Variants in FAM78A observed in about 807,000 individuals in gnomAD.
The protein encoded by FAM78A is family with sequence similarity 78 member A.
Under a neutral mutation model 22.6 loss-of-function variants are expected in FAM78A, and 12 were observed. That is an observed-to-expected ratio of 0.53 (90% CI 0.34 to 0.86). The LOEUF is 0.86. Ranked by LOEUF, FAM78A falls within the 40% of genes least tolerant of loss-of-function variation. The pLI is 0.02. For synonymous variants in FAM78A, 151 were observed against 155.8 expected, an observed-to-expected ratio of 0.97 and a Z score of 0.23; for missense variants, 322 against 396.1, an observed-to-expected ratio of 0.81 and a Z score of 1.59.
upstream of FAM78A, among the ~76,000 whole-genome samples, chr9:131,279,417 G>A (rs1835520949): frequency 6.6e-6 from 1 of 152,194 alleles, no homozygotes; most frequent in Admixed American, 6.5e-5. Context: ...GCACTACCCA[G>A]TTTATATGTA....
Position 131,271,860 on chromosome 9 carries a change from G to A in FAM78A, c.323+3997C>T, listed in dbSNP as rs1004563057. 1.6e-4 allele frequency among the ~76,000 whole-genome samples: 24 copies of A among 152,034 alleles called. 1 individual carries two copies. Among genetic ancestry groups the A allele is most frequent in the Admixed American group, 8.5e-4 (13 of 15,268 alleles). On this transcript the variant is annotated intron_variant, in intron 1 of 1. Coordinates refer to ENST00000372271, the MANE Select transcript of FAM78A (RefSeq NM_033387.4). Reference sequence around the variant, plus strand: ...TGGCAGTTGAGGAATTGCGGGGGCCGGGCTGTGGAGGCAGGTGTCTCCAAC... The same window carrying A: ...TGGCAGTTGAGGAATTGCGGGGGCCAGGCTGTGGAGGCAGGTGTCTCCAAC...
upstream of FAM78A, among the ~76,000 whole-genome samples, chr9:131,276,760 G>A (rs1469206330): frequency 6.6e-6 from 1 of 151,188 alleles, no homozygotes; most frequent in African/African-American, 2.4e-5. The surrounding 1 kb of genome is among the most constrained non-coding windows in gnomAD (Gnocchi z 4.3). Context: ...TCAGGGCTCC[G>A]GCCGCTCGCC....
In FAM78A at chr9:131,274,829, C is replaced by T. The variant is rs1459084475; in HGVS notation, c.323+1028G>A. ...CTGAGAGAGGCTCTGGGAGTGTCAG[C>T]GGCCAGTCACGGGGCCACAGGGTAG... On this transcript the variant is annotated intron_variant, in intron 1 of 1. Coordinates refer to ENST00000372271, the MANE Select transcript of FAM78A (RefSeq NM_033387.4). The surrounding 1 kb of genome is among the most constrained non-coding windows in gnomAD (Gnocchi z 4.2). 6.6e-6 allele frequency among the ~76,000 whole-genome samples: 1 copy of T among 151,708 alleles called. No individual in the cohort carries two copies. The highest frequency in any genetic ancestry group is 6.6e-5 in the Admixed American group (1 of 15,242).
chr9:131,275,261 A>G lies in FAM78A; in HGVS notation c.323+596T>C, dbSNP rs142250705. Among the ~76,000 whole-genome samples the G allele has an allele frequency of 6.6e-6, 1 of 152,330 alleles. No individual in the cohort carries two copies. Among genetic ancestry groups the G allele is most frequent in the African/African-American group, 2.4e-5 (1 of 41,584 alleles). Reference sequence around the variant, plus strand: ...AAGCGGTCTTCTGCCTTGGAGACAGAAAGCGATACACTGTGAAGAAATCGG... The same window carrying G: ...AAGCGGTCTTCTGCCTTGGAGACAGGAAGCGATACACTGTGAAGAAATCGG... On this transcript the variant is annotated intron_variant, in intron 1 of 1. Transcript: ENST00000372271. This position sits in a 1 kb window ranked among gnomAD's most constrained non-coding sequence, Gnocchi z 4.6.
Position 131,260,649 on chromosome 9 carries a change from G to A in FAM78A, c.*173C>T. 1.5e-6 allele frequency: 1 copy of A among 667,634 alleles called. No homozygotes were observed. The highest frequency in any genetic ancestry group is 2.3e-6 in the Non-Finnish European group (1 of 425,972). The allele number at this position is 667,634 out of a possible 1,614,324, so 41.4% of individuals were successfully genotyped here. ...CTTAGATCTCCCCTCTCCCTGAAAG[G>A]AAGCAGGTGCCGAGAGCCGGGGAGG... On this transcript the variant is annotated 3_prime_UTR_variant, in exon 2 of 2. Coordinates refer to ENST00000372271, the MANE Select transcript of FAM78A (RefSeq NM_033387.4). The surrounding 1 kb of genome is among the most constrained non-coding windows in gnomAD (Gnocchi z 5.4).
intron 1 of FAM78A, among the ~76,000 whole-genome samples, chr9:131,269,516 G>T (rs1835391129): frequency 6.6e-6 from 1 of 150,962 alleles, no homozygotes; most frequent in Non-Finnish European, 1.5e-5. Flanking sequence ...TAGCTCTGTT[G>T]CCTAGGCTGG....
At chr9:131,269,309 CA>C (rs1346824477) in intron 1 of FAM78A, among the ~76,000 whole-genome samples, 1 of 152,066 alleles carries the variant, frequency 6.6e-6, no homozygotes, top group East Asian at 1.9e-4. Flanking sequence ...TAACTTTAAA[CA>C]AAAATGTAAC....
chr9:131,273,385 C>G (rs933541247), intron 1 of FAM78A, among the ~76,000 whole-genome samples: 3 of 152,204 alleles, frequency 2.0e-5, no homozygotes, highest in African/African-American at 7.2e-5. Flanking sequence ...CCCGTGTATC[C>G]CAACCGGGAT....
At chr9:131,264,504 C>A in intron 1 of FAM78A, 1 of 698,956 alleles carries the variant, frequency 1.4e-6, no homozygotes, top group Non-Finnish European at 2.7e-6. Flanking sequence ...TGAGCTCTAC[C>A]AGCTCTTCAG....
At chr9:131,264,357 G>A (rs971958423) in intron 1 of FAM78A, 5 of 518,350 alleles carry the variant, frequency 9.6e-6, no homozygotes, top group South Asian at 2.7e-5. Context: ...TGCGTCACGC[G>A]GGGCATGGCT....
intron 1 of FAM78A, among the ~76,000 whole-genome samples, chr9:131,269,119 A>G (rs889685065): frequency 5.3e-5 from 8 of 151,502 alleles, no homozygotes; most frequent in African/African-American, 1.7e-4. Flanking sequence ...AAAAAAAAAA[A>G]AAGAAGTGTA....
At position 131,275,753 on chromosome 9, in the gene FAM78A, G is replaced by T; in HGVS notation, c.323+104C>A. On this transcript the variant is annotated intron_variant, in intron 1 of 1. Transcript: ENST00000372271. The surrounding 1 kb of genome is among the most constrained non-coding windows in gnomAD (Gnocchi z 4.6). ...AAAGCTTCCCTCTGGCCTCCGTCCT[G>T]TCTTCATGGTATCTCCACCTTCCCC... The T allele has an allele frequency of 7.9e-7, 1 of 1,259,558 alleles. No homozygotes were observed. Among genetic ancestry groups the T allele is most frequent in the Non-Finnish European group, 1.1e-6 (1 of 923,996 alleles). The allele number at this position is 1,259,558 out of a possible 1,614,324, so 78.0% of individuals were successfully genotyped here. A position where few individuals can be genotyped will look rare whatever the true frequency, so the allele number is the denominator to read the frequency against.
chr9:131,263,727 T>C (rs528752846), intron 1 of FAM78A: 35 of 152,972 alleles, frequency 2.3e-4, no homozygotes, highest in Middle Eastern at 3.4e-3. Flanking sequence ...GTTAGCAAAA[T>C]TGGGGCCGCC....
Position 131,274,841 on chromosome 9 carries a change from G to C in FAM78A, c.323+1016C>G, listed in dbSNP as rs1425696851. On this transcript the variant is annotated intron_variant, in intron 1 of 1. Transcript: ENST00000372271. The surrounding 1 kb of genome is among the most constrained non-coding windows in gnomAD (Gnocchi z 4.2). ...CTGGGAGTGTCAGCGGCCAGTCACG[G>C]GGCCACAGGGTAGACACTGAGAGAG... is the stretch of plus-strand genomic sequence containing the variant. Among the ~76,000 whole-genome samples, 1 of 151,764 alleles carries C rather than the reference G, an allele frequency of 6.6e-6. No individual in the cohort carries two copies. Among genetic ancestry groups the C allele is most frequent in the Non-Finnish European group, 1.5e-5 (1 of 67,708 alleles).
chr9:131,273,184 A>C (rs1050945506), intron 1 of FAM78A, among the ~76,000 whole-genome samples: 1 of 152,162 alleles, frequency 6.6e-6, no homozygotes, highest in Non-Finnish European at 1.5e-5. Flanking sequence ...ACGGTCACCC[A>C]TACTGGCCTC....
At chr9:131,266,612 A>G (rs1416196720) in intron 1 of FAM78A, among the ~76,000 whole-genome samples, 1 of 151,830 alleles carries the variant, frequency 6.6e-6, no homozygotes, top group Non-Finnish European at 1.5e-5. Flanking sequence ...GACCCTCCAC[A>G]TGGGCCAGGT....
rs918716857 is a variant in FAM78A, at chr9:131,275,120, G to T, written c.323+737C>A. Reference sequence around the variant, plus strand: ...CCCAGGGTCCCAGGGTCCTCACCGGGACCCCCAATACCCTAGGCACACTCT... The same window carrying T: ...CCCAGGGTCCCAGGGTCCTCACCGGTACCCCCAATACCCTAGGCACACTCT... On this transcript the variant is annotated intron_variant, in intron 1 of 1. Transcript: ENST00000372271. This position sits in a 1 kb window ranked among gnomAD's most constrained non-coding sequence, Gnocchi z 4.6. Among the ~76,000 whole-genome samples the T allele has an allele frequency of 6.6e-6, 1 of 152,206 alleles. No homozygotes were observed. Among genetic ancestry groups the T allele is most frequent in the Admixed American group, 6.5e-5 (1 of 15,274 alleles).
Position 131,276,242 on chromosome 9 carries a change from G to A in FAM78A, c.-63C>T. The A allele has an allele frequency of 7.2e-7, 1 of 1,384,482 alleles. No individual in the cohort carries two copies. 85.8% of individuals were successfully genotyped at this position (1,384,482 alleles called of 1,614,324 possible). Reference sequence around the variant, plus strand: ...GCTGCTCTCCAATCTCAACTCTCAAGACCGATATCCATAGGATAGAAAACT... The same window carrying A: ...GCTGCTCTCCAATCTCAACTCTCAAAACCGATATCCATAGGATAGAAAACT... On this transcript the variant is annotated 5_prime_UTR_variant, in exon 1 of 2. Coordinates refer to ENST00000372271, the MANE Select transcript of FAM78A (RefSeq NM_033387.4). This position sits in a 1 kb window ranked among gnomAD's most constrained non-coding sequence, Gnocchi z 4.3.
At chr9:131,270,433 T>A (rs1366189636) in intron 1 of FAM78A, 1 of 717,464 alleles carries the variant, frequency 1.4e-6, no homozygotes, top group Non-Finnish European at 2.6e-6. Context: ...TTTCCCTGAT[T>A]ACTACGGCTG....
Sources: gnomAD v4.1 joint callset for allele counts (sites outside exome capture counted in the v4.1 genomes callset) on GRCh38, gnomAD v4.1.1 for gene constraint, Gnocchi (gnomAD v3.1) non-coding constraint, MANE v1.5 for transcripts, NCBI Gene and HGNC (gene_info 2026-07-23, HGNC 2026-07-21) for gene names.